The following HECW1 variants were observed in gnomAD, a reference collection of about 807,000 sequenced individuals.
The protein encoded by HECW1 is HECT, C2 and WW domain containing E3 ubiquitin protein ligase 1.
HECW1 carries 61 observed loss-of-function variants against 182.3 expected under a neutral mutation model. The observed-to-expected ratio is 0.33, with a 90% confidence interval of 0.27 to 0.41. The LOEUF is 0.41. HECW1 is among the 10% of genes least tolerant of loss of function. The probability of loss-of-function intolerance (pLI) is 1.00; values close to 1 mark genes in which losing one functional copy is unlikely to be tolerated. For missense variants in HECW1, 1,739 were observed against 2,108.9 expected (o/e 0.82, Z 3.44); for synonymous variants, 859 against 832.6 (o/e 1.03, Z -0.55).
intron 10 of HECW1, among the ~76,000 whole-genome samples, chr7:43,443,998 C>T (rs1443711670): frequency 3.3e-5 from 5 of 152,146 alleles, no homozygotes; most frequent in Non-Finnish European, 5.9e-5. Flanking sequence ...AATCGTATTT[C>T]GGAAATATAT....
At chr7:43,173,232 G>A (rs1471728801) in intron 2 of HECW1, among the ~76,000 whole-genome samples, 6 of 151,734 alleles carry the variant, frequency 4.0e-5, no homozygotes, top group African/African-American at 1.5e-4. Context: ...TAAAAAAGAC[G>A]CAGAGGAAAA....
intron 4 of HECW1, among the ~76,000 whole-genome samples, chr7:43,316,752 CCTCTCCCCTCCCCTTTT>C (rs1809316023): frequency 3.4e-5 from 5 of 149,214 alleles, no homozygotes; most frequent in South Asian, 2.2e-4. Context: ...TTCCAGTTCT[CCTCTCCCCTCCCCTTTT>C]CTCTCCTCCC....
intron 5 of HECW1, among the ~76,000 whole-genome samples, chr7:43,336,952 C>T (rs917191088): frequency 1.3e-5 from 2 of 152,158 alleles, no homozygotes; most frequent in African/African-American, 4.8e-5. Flanking sequence ...CTATTGGTGA[C>T]ACTTAGGTTG....
At chr7:43,457,219 C>G (rs1227689081) in intron 13 of HECW1, among the ~76,000 whole-genome samples, 1 of 152,174 alleles carries the variant, frequency 6.6e-6, no homozygotes, top group Non-Finnish European at 1.5e-5. Context: ...ACATCTTGCT[C>G]TTTAAGACTG....
chr7:43,167,293 C>G (rs1791232905), intron 2 of HECW1, among the ~76,000 whole-genome samples: 1 of 152,112 alleles, frequency 6.6e-6, no homozygotes. Flanking sequence ...GCCTCCTTCC[C>G]CTATGTCTCT....
chr7:43,260,722 T>C (rs1801085786), intron 3 of HECW1, among the ~76,000 whole-genome samples: 1 of 152,044 alleles, frequency 6.6e-6, no homozygotes, highest in African/African-American at 2.4e-5. Context: ...ATTTAGTAGA[T>C]AGAAGTCATA....
At chr7:43,332,284 A>G (rs1811597816) in intron 5 of HECW1, among the ~76,000 whole-genome samples, 2 of 152,188 alleles carry the variant, frequency 1.3e-5, no homozygotes, top group South Asian at 4.1e-4. Flanking sequence ...TCAAAATCAC[A>G]GACACACGGA....
chr7:43,194,019 A>G (rs1470005375), intron 2 of HECW1, among the ~76,000 whole-genome samples: 1 of 152,202 alleles, frequency 6.6e-6, no homozygotes, highest in Non-Finnish European at 1.5e-5. Context: ...TGCTATGCAA[A>G]CATGTTTGGA....
At chr7:43,371,752 G>A (rs75187326) in intron 6 of HECW1, among the ~76,000 whole-genome samples, 7,585 of 152,214 alleles carry the variant, frequency 0.05, 307 homozygotes, top group East Asian at 0.22. Flanking sequence ...ACACTCTAAC[G>A]GCAAAAGCAG....
chr7:43,398,109 T>C (rs1018289919), intron 7 of HECW1, among the ~76,000 whole-genome samples: 1 of 152,102 alleles, frequency 6.6e-6, no homozygotes, highest in East Asian at 1.9e-4. Context: ...ATACAAAAAT[T>C]AGCCAGGCAT....
intron 2 of HECW1, among the ~76,000 whole-genome samples, chr7:43,115,155 A>G (rs1287545848): frequency 6.6e-6 from 1 of 152,224 alleles, no homozygotes; most frequent in Non-Finnish European, 1.5e-5. Flanking sequence ...AGTGTTGGAA[A>G]GGCAAATAAT....
At chr7:43,445,591 AGAGT>A in intron 11 of HECW1, 21 bp downstream of exon 11, 1 of 1,538,010 alleles carries the variant, frequency 6.5e-7, no homozygotes, top group Non-Finnish European at 8.8e-7. Flanking sequence ...AAACCTGATC[AGAGT>A]GAGAATAGGA....
rs960205851 is a variant in HECW1 at position 43,417,046 on chromosome 7, T to C, written c.801+9315T>C. ...GCTGTTCCTATTCGGCCATCTTGGC[T>C]CCTCTCATTTATTTATTTTTTGAGG... On this transcript the variant is annotated intron_variant, in intron 8 of 29. Transcript: ENST00000395891. 2.6e-5 allele frequency among the ~76,000 whole-genome samples: 4 copies of C among 152,264 alleles called. No homozygotes were observed. In the East Asian group the frequency reaches 7.7e-4, roughly 29 times the overall value.
intron 2 of HECW1, among the ~76,000 whole-genome samples, chr7:43,190,622 C>T (rs1459036215): frequency 6.6e-6 from 1 of 152,170 alleles, no homozygotes; most frequent in Non-Finnish European, 1.5e-5. Context: ...CCTCATCTTT[C>T]TATGCTCTCT....
intron 2 of HECW1, among the ~76,000 whole-genome samples, chr7:43,175,810 G>T (rs1460144549): frequency 6.6e-6 from 1 of 152,122 alleles, no homozygotes; most frequent in African/African-American, 2.4e-5. Flanking sequence ...CTTCATGACG[G>T]CTTTTGGTTG....
At chr7:43,424,866 C>T (rs2076306043) in intron 8 of HECW1, among the ~76,000 whole-genome samples, 1 of 151,616 alleles carries the variant, frequency 6.6e-6, no homozygotes, top group South Asian at 2.1e-4. Context: ...AATTTTAAGC[C>T]CAGAATGGGA....
At position 43,136,244 on chromosome 7, in the gene HECW1, A is replaced by G. The variant is rs1262554134; in HGVS notation, c.-32+21853A>G. Among the ~76,000 whole-genome samples, 8 of 152,332 alleles carry G rather than the reference A, an allele frequency of 5.3e-5. No homozygotes were observed. The East Asian group carries it at 1.5e-3, about 29-fold the overall frequency. ...TAGACCTTGCCAAATTTTAATGCTT[A>G]GTTGGCACTTATCTATTGAGGCATA... On this transcript the variant is annotated intron_variant, in intron 2 of 29. Transcript: ENST00000395891.
At chr7:43,514,947 T>C (rs182844593) in intron 24 of HECW1, among the ~76,000 whole-genome samples, 34 of 152,360 alleles carry the variant, frequency 2.2e-4, no homozygotes, top group Non-Finnish European at 4.0e-4. Context: ...ATCATGGCTC[T>C]ATCATCAGGA....
chr7:43,405,506 C>T (rs2075578555), intron 7 of HECW1, among the ~76,000 whole-genome samples: 1 of 152,154 alleles, frequency 6.6e-6, no homozygotes. Context: ...ATTCCCCCAG[C>T]GTGAACTGTG....
Sources: allele counts gnomAD v4.1 joint callset (sites outside exome capture counted in the v4.1 genomes callset), GRCh38; gene constraint gnomAD v4.1.1; transcripts MANE v1.5; gene names NCBI Gene and HGNC (gene_info 2026-07-23, HGNC 2026-07-21).